The following METAP1D variants were observed in gnomAD, a reference collection of about 807,000 sequenced individuals.
METAP1D encodes methionyl aminopeptidase type 1D, mitochondrial.
METAP1D carries 31 observed loss-of-function variants against 40.5 expected under a neutral mutation model. That is an observed-to-expected ratio of 0.77 (90% confidence interval 0.58 to 1.03). METAP1D has a LOEUF of 1.03. Among genes scored for constraint, METAP1D ranks in the 50% least tolerant of loss-of-function variants. METAP1D has a pLI of 0.00. For missense variants in METAP1D, 411 were observed against 420.7 expected (o/e 0.98, Z 0.20); for synonymous variants, 151 against 146.4 (o/e 1.03, Z -0.22).
At chr2:172,069,580 A>T (rs1167574019) in intron 5 of METAP1D, among the ~76,000 whole-genome samples, 1 of 152,206 alleles carries the variant, frequency 6.6e-6, no homozygotes, top group Non-Finnish European at 1.5e-5. Flanking sequence ...AAATTGTAAA[A>T]CCTATGAAGC....
intron 1 of METAP1D, among the ~76,000 whole-genome samples, chr2:172,020,376 C>T (rs1387752585): frequency 2.6e-5 from 4 of 152,092 alleles, no homozygotes; most frequent in African/African-American, 7.2e-5. Flanking sequence ...TTGGGGAGGG[C>T]AGGTAAAGCT....
intron 1 of METAP1D, among the ~76,000 whole-genome samples, chr2:172,059,202 G>C (rs1481627594): frequency 6.6e-6 from 1 of 151,316 alleles, no homozygotes; most frequent in South Asian, 2.1e-4. Flanking sequence ...TCTGCCTTCC[G>C]GGTTCGAGTA....
intron 1 of METAP1D, among the ~76,000 whole-genome samples, chr2:172,036,727 A>G (rs1254277223): frequency 6.6e-6 from 1 of 151,966 alleles, no homozygotes; most frequent in Non-Finnish European, 1.5e-5. Flanking sequence ...TTCTGTATGC[A>G]TTTCTTTTAT....
At chr2:172,005,937 G>A (rs1364208620) in intron 1 of METAP1D, among the ~76,000 whole-genome samples, 1 of 151,548 alleles carries the variant, frequency 6.6e-6, no homozygotes, top group Non-Finnish European at 1.5e-5. Context: ...GTATACTACA[G>A]GGCATATAGA....
At chr2:172,078,906 G>A (rs1559023829) in intron 7 of METAP1D, among the ~76,000 whole-genome samples, 1 of 152,166 alleles carries the variant, frequency 6.6e-6, no homozygotes, top group Non-Finnish European at 1.5e-5. Flanking sequence ...CTAGTAGCCT[G>A]GGGGACAGGG....
intron 1 of METAP1D, among the ~76,000 whole-genome samples, chr2:172,021,175 T>G (rs1409412981): frequency 6.6e-6 from 1 of 152,186 alleles, no homozygotes; most frequent in Non-Finnish European, 1.5e-5. Flanking sequence ...ATTTTCACGT[T>G]TAGGTAAAAA....
intron 1 of METAP1D, among the ~76,000 whole-genome samples, chr2:172,011,203 A>G (rs1051136286): frequency 6.6e-6 from 1 of 151,944 alleles, no homozygotes; most frequent in African/African-American, 2.4e-5. Context: ...TATCACCCCA[A>G]AGAGAAACCT....
At chr2:172,049,772 C>T (rs113106681) in intron 1 of METAP1D, among the ~76,000 whole-genome samples, 4,505 of 152,216 alleles carry the variant, frequency 0.03, 103 homozygotes, top group Admixed American at 0.073. Context: ...AATCTGTGTA[C>T]TCTCAACTGC....
intron 1 of METAP1D, among the ~76,000 whole-genome samples, chr2:172,045,697 A>ATATGTGTGTG (rs1307376017): frequency 1.5e-5 from 1 of 65,888 alleles, no homozygotes; most frequent in Non-Finnish European, 3.5e-5. Flanking sequence ...TCATTCATAT[A>ATATGTGTGTG]TATGTGTGTG....
At chr2:172,041,726 TTATATA>T (rs67708838) in intron 1 of METAP1D, among the ~76,000 whole-genome samples, 6,299 of 37,386 alleles carry the variant, frequency 0.17, 911 homozygotes, top group Non-Finnish European at 0.19. Flanking sequence ...TCTAATTATT[TTATATA>T]TATATATATA....
At position 172,043,108 on chromosome 2, in the gene METAP1D, TA is replaced by T. The variant is rs1689657134; in HGVS notation, c.41-18389del. The stretch of plus-strand genomic sequence containing the variant: ...ATATATTTACATACATATATATATA[TA>T]TATATATATTTTTTGGGATACAGGA... On this transcript the variant is annotated intron_variant, in intron 1 of 9. Transcript: ENST00000315796. Among the ~76,000 whole-genome samples the T allele has an allele frequency of 5.0e-4, 16 of 31,992 alleles. 1 individual carries two copies. Among genetic ancestry groups the T allele is most frequent in the Admixed American group, 4.8e-3 (11 of 2,278 alleles). The allele number at this position is 31,992 out of a possible 152,430, so 21.0% of individuals were successfully genotyped here.
chr2:172,036,465 A>G (rs1689388760), intron 1 of METAP1D, among the ~76,000 whole-genome samples: 1 of 147,902 alleles, frequency 6.8e-6, no homozygotes. Context: ...TTCCGGGTTC[A>G]CGCCATTCTC....
intron 1 of METAP1D, among the ~76,000 whole-genome samples, chr2:172,011,821 A>T (rs184405165): frequency 6.6e-6 from 1 of 152,332 alleles, no homozygotes; most frequent in East Asian, 1.9e-4. Flanking sequence ...TTTAGTTCTT[A>T]TGAATAATGC....
At chr2:172,079,118 G>T in intron 7 of METAP1D, 97 bp from the exon 8 acceptor site, 1 of 1,263,890 alleles carries the variant, frequency 7.9e-7, no homozygotes, top group South Asian at 1.2e-5. Context: ...GAAATAAAAC[G>T]ACCAAGTTTT....
intron 1 of METAP1D, among the ~76,000 whole-genome samples, chr2:172,002,115 T>C (rs1688480506): frequency 6.6e-6 from 1 of 152,042 alleles, no homozygotes; most frequent in East Asian, 1.9e-4. Context: ...TGTTTCCTCT[T>C]TTCACAAGAA....
intron 1 of METAP1D, among the ~76,000 whole-genome samples, chr2:172,035,822 AT>A (rs985718666): frequency 6.7e-6 from 1 of 149,100 alleles, no homozygotes; most frequent in African/African-American, 2.5e-5. Flanking sequence ...CTAATTTTTA[AT>A]TTTTTTTAGA....
At chr2:172,011,475 A>G (rs28600716) in intron 1 of METAP1D, among the ~76,000 whole-genome samples, 136,736 of 151,798 alleles carry the variant, frequency 0.9, 62,204 homozygotes, top group Middle Eastern at 0.96. Context: ...TAGTAGAGAC[A>G]GGGTTTCACT....
chr2:172,007,844 G>A lies in METAP1D; in HGVS notation c.40+7835G>A, dbSNP rs1437256063. Reference sequence around the variant, plus strand: ...AGCTGAGATTACAGGCGCATGCCACGACACCCGGCTAATTTTTGTATTTTT... The same window carrying A: ...AGCTGAGATTACAGGCGCATGCCACAACACCCGGCTAATTTTTGTATTTTT... On this transcript the variant is annotated intron_variant, in intron 1 of 9. Transcript: ENST00000315796. Among the ~76,000 whole-genome samples the A allele has an allele frequency of 4.6e-5, 7 of 151,758 alleles. No individual in the cohort carries two copies. The East Asian group carries it at 9.7e-4, about 21-fold the overall frequency.
intron 1 of METAP1D, among the ~76,000 whole-genome samples, chr2:172,015,968 A>T (rs565530476): frequency 1.3e-5 from 2 of 150,882 alleles, no homozygotes; most frequent in South Asian, 4.2e-4. Flanking sequence ...AAACTATAAA[A>T]ATAGAGAGCC....
Sources: gnomAD v4.1 joint callset for allele counts (sites outside exome capture counted in the v4.1 genomes callset) on GRCh38, gnomAD v4.1.1 for gene constraint, MANE v1.5 for transcripts, NCBI Gene and HGNC (gene_info 2026-07-23, HGNC 2026-07-21) for gene names.